Variants in FBLN5 observed in about 807,000 individuals in gnomAD.
The protein encoded by FBLN5 is fibulin-5.
In FBLN5, 24 loss-of-function variants were observed where a neutral mutation model predicts 61.6. That is an observed-to-expected ratio of 0.39 (90% CI 0.28 to 0.55). The LOEUF is 0.55. Ranked by LOEUF, FBLN5 falls within the 20% of genes least tolerant of loss-of-function variation. The probability of loss-of-function intolerance (pLI) is 0.65; values close to 1 mark genes in which losing one functional copy is unlikely to be tolerated. For missense variants in FBLN5, 470 were observed against 594.1 expected (o/e 0.79, Z 2.17); for synonymous variants, 213 against 219.8 (o/e 0.97, Z 0.27).
rs1333126133 is a variant in FBLN5 at position 91,870,229 on chromosome 14, A to G, written c.1342T>C (p.Phe448Leu). The G allele has an allele frequency of 5.0e-6, 8 of 1,614,044 alleles. No individual in the cohort carries two copies. The Admixed American group carries it at 1.0e-4, about 20-fold the overall frequency. ...CGGAGGCTCCAGCCCGAGGCTCAGA[A>G]TGGGTACTGCGACACATATATCCGC... ...RLRIYVSQYP[F>L] The change falls in exon 11 of 11, where the codon TTC becomes CTC. Residue 448 changes from phenylalanine to leucine, a missense_variant. By Grantham distance (22) the Phe-to-Leu change is conservative. Transcript: ENST00000342058.
At chr14:91,881,478 G>T (rs1485428371) in intron 8 of FBLN5, 60 bp from the exon 9 acceptor site, 3 of 1,599,660 alleles carry the variant, frequency 1.9e-6, no homozygotes, top group East Asian at 4.5e-5. Flanking sequence ...CCAGACGCGT[G>T]GGGGTGGGGT....
intron 10 of FBLN5, 25 bp downstream of exon 10, chr14:91,877,462 G>GTCCCCAC: frequency 6.3e-7 from 1 of 1,583,488 alleles, no homozygotes; most frequent in Non-Finnish European, 8.7e-7. Context: ...TACAGATGGC[G>GTCCCCAC]TCCCCACTCC....
chr14:91,921,839 G>C (rs2055740730), intron 4 of FBLN5, among the ~76,000 whole-genome samples: 1 of 152,158 alleles, frequency 6.6e-6, no homozygotes, highest in African/African-American at 2.4e-5. Context: ...AGAAGGGCCT[G>C]GTATATTTGG....
At chr14:91,924,877 G>A (rs149303715) in intron 4 of FBLN5, among the ~76,000 whole-genome samples, 1 of 152,188 alleles carries the variant, frequency 6.6e-6, no homozygotes, top group East Asian at 1.9e-4. Context: ...CACGGAGAAG[G>A]CCACCCCTCA....
intron 1 of FBLN5, chr14:91,946,854 G>A (rs2056193223): frequency 1.3e-6 from 2 of 1,508,434 alleles, no homozygotes; most frequent in Non-Finnish European, 1.8e-6. Flanking sequence ...GTAATTGCTA[G>A]TGAACTAGTA....
chr14:91,920,141 G>A (rs2055709254), intron 4 of FBLN5, among the ~76,000 whole-genome samples: 1 of 152,102 alleles, frequency 6.6e-6, no homozygotes, highest in African/African-American at 2.4e-5. Flanking sequence ...CCTCCTCAGA[G>A]TCAAAAGCCA....
chr14:91,909,209 G>A (rs1036875337), intron 4 of FBLN5, among the ~76,000 whole-genome samples: 6 of 152,130 alleles, frequency 3.9e-5, no homozygotes, highest in East Asian at 1.9e-4. Flanking sequence ...GAGCCACCGC[G>A]CCCGGCCAGG....
intron 10 of FBLN5, among the ~76,000 whole-genome samples, chr14:91,877,039 T>C (rs1434073433): frequency 6.6e-6 from 1 of 152,092 alleles, no homozygotes; most frequent in African/African-American, 2.4e-5. Context: ...GACAGAGTTT[T>C]GCCATGTTGC....
At chr14:91,901,010 G>A (rs1414040889) in intron 4 of FBLN5, among the ~76,000 whole-genome samples, 2 of 152,216 alleles carry the variant, frequency 1.3e-5, no homozygotes, top group Non-Finnish European at 2.9e-5. Flanking sequence ...TATGGCGGGA[G>A]ATCTGGACAA....
chr14:91,947,008 A>C lies in FBLN5; in HGVS notation c.17+205T>G. 4 of 1,509,910 alleles carry C rather than the reference A, an allele frequency of 2.6e-6. No homozygotes were observed. Among genetic ancestry groups the C allele is most frequent in the Non-Finnish European group, 3.5e-6 (4 of 1,132,172 alleles). 93.5% of individuals were successfully genotyped at this position (1,509,910 alleles called of 1,614,324 possible). On this transcript the variant is annotated intron_variant, in intron 1 of 10. Coordinates refer to ENST00000342058, the MANE Select transcript of FBLN5 (RefSeq NM_006329.4). This position sits in a 1 kb window ranked among gnomAD's most constrained non-coding sequence, Gnocchi z 4.3. ...CTGGCTTTTGAAACTGTATTAGAAA[A>C]TACCCACTCCCAAAAGAACGCTTCA...
intron 3 of FBLN5, among the ~76,000 whole-genome samples, chr14:91,939,173 T>C (rs1334983617): frequency 6.6e-6 from 1 of 152,156 alleles, no homozygotes; most frequent in Non-Finnish European, 1.5e-5. Context: ...TAGGGCTGTC[T>C]TCTTCCGTTC....
rs1201427662 is a variant in FBLN5, at chr14:91,942,912, C to T, written c.67G>A (p.Ala23Thr). Residue 23 changes from alanine (A) to threonine (T), a missense_variant, in exon 2 of 11, where the codon GCA becomes ACA. Ala to Thr is a moderately conservative substitution (Grantham distance 58). Coordinates refer to ENST00000342058, the MANE Select transcript of FBLN5 (RefSeq NM_006329.4). The part of the protein sequence containing the change: ...LALCLPSPGN[A>T]QAQCTNGFDL... Reference sequence around the variant, plus strand: ...TTTAAAAATAAAAATCTTACCTGTGCATTCCCAGGGCTTGGAAGACAGAGA... The same window carrying T: ...TTTAAAAATAAAAATCTTACCTGTGTATTCCCAGGGCTTGGAAGACAGAGA... The T allele has an allele frequency of 1.3e-6, 2 of 1,540,032 alleles. No individual in the cohort carries two copies. Among genetic ancestry groups the T allele is most frequent in the Admixed American group, 2.0e-5 (1 of 51,042 alleles).
intron 9 of FBLN5, chr14:91,878,104 G>A (rs1170117245): frequency 7.7e-6 from 3 of 387,736 alleles, no homozygotes; most frequent in Admixed American, 7.0e-5. Context: ...GGATTAACAG[G>A]TCTTGGGGAT....
At chr14:91,924,468 G>A (rs1463871051) in intron 4 of FBLN5, among the ~76,000 whole-genome samples, 1 of 152,130 alleles carries the variant, frequency 6.6e-6, no homozygotes, top group Non-Finnish European at 1.5e-5. Context: ...TGGGCGGATT[G>A]CCTGAGCTCA....
chr14:91,877,696 A>T lies in FBLN5; in HGVS notation c.990-14T>A. The stretch of plus-strand genomic sequence containing the variant: ...CACATACAGCGGCTGTGGAAAGGGA[A>T]ATCACGTGAGAACTCAAGAAATCCA... On this transcript the variant is annotated splice_polypyrimidine_tract_variant and intron_variant, in intron 9 of 10. Transcript: ENST00000342058. 1 of 1,610,528 alleles carries T rather than the reference A, an allele frequency of 6.2e-7. No individual in the cohort carries two copies. Among genetic ancestry groups the T allele is most frequent in the Non-Finnish European group, 8.5e-7 (1 of 1,176,780 alleles).
At chr14:91,915,899 A>G (rs939694651) in intron 4 of FBLN5, among the ~76,000 whole-genome samples, 1 of 152,108 alleles carries the variant, frequency 6.6e-6, no homozygotes, top group Non-Finnish European at 1.5e-5. Flanking sequence ...TCACTCTATC[A>G]AGCTTATATG....
Position 91,936,450 on chromosome 14 carries a change from T to C in FBLN5, c.379+497A>G, listed in dbSNP as rs373136895. Reference sequence around the variant, plus strand: ...ACAAGCACATTAGTTCCAACCCAAGTAACCTAATTTTCTTTCCAGAACAGT... The same window carrying C: ...ACAAGCACATTAGTTCCAACCCAAGCAACCTAATTTTCTTTCCAGAACAGT... On this transcript the variant is annotated intron_variant, in intron 4 of 10. Coordinates refer to ENST00000342058, the MANE Select transcript of FBLN5 (RefSeq NM_006329.4). Among the ~76,000 whole-genome samples the C allele has an allele frequency of 3.0e-4, 46 of 152,310 alleles. No individual in the cohort carries two copies. In the South Asian group the frequency reaches 9.3e-3, roughly 31 times the overall value.
intron 3 of FBLN5, chr14:91,938,573 C>T (rs1307402288): frequency 6.6e-6 from 1 of 152,310 alleles, no homozygotes; most frequent in Non-Finnish European, 1.5e-5. Context: ...TGCCAGCCAA[C>T]AATTTCTAGC....
At chr14:91,933,992 G>C (rs1369504895) in intron 4 of FBLN5, among the ~76,000 whole-genome samples, 1 of 152,010 alleles carries the variant, frequency 6.6e-6, no homozygotes, top group African/African-American at 2.4e-5. Context: ...CATGCCTGTA[G>C]TCCCAGCTAC....
Sources: gnomAD v4.1 joint callset for allele counts (sites outside exome capture counted in the v4.1 genomes callset) on GRCh38, gnomAD v4.1.1 for gene constraint, Gnocchi (gnomAD v3.1) non-coding constraint, MANE v1.5 for transcripts, NCBI Gene and HGNC (gene_info 2026-07-23, HGNC 2026-07-21) for gene names.